The following KCNN3 variants were observed in gnomAD, a reference collection of about 807,000 sequenced individuals.
The protein encoded by KCNN3 is potassium calcium-activated channel subfamily N member 3, also known as small conductance calcium-activated potassium channel protein 3.
Under a neutral mutation model 62.9 loss-of-function variants are expected in KCNN3, and 16 were observed. The observed-to-expected ratio is 0.25, with a 90% CI of 0.17 to 0.39. The LOEUF (loss-of-function observed/expected upper bound fraction) is 0.39. Among genes scored for constraint, KCNN3 ranks in the 10% least tolerant of loss-of-function variants. The pLI is 1.00. For synonymous variants in KCNN3, 370 were observed against 389.2 expected (o/e 0.95, Z 0.58); for missense variants, 599 against 949.4 (o/e 0.63, Z 4.85).
intron 7 of KCNN3, among the ~76,000 whole-genome samples, chr1:154,712,983 C>T (rs866125926): frequency 6.6e-6 from 1 of 152,152 alleles, no homozygotes; most frequent in Non-Finnish European, 1.5e-5. Flanking sequence ...CACACCACTG[C>T]CGCCAATTTG....
chr1:154,766,775 G>A (rs1571255048), intron 3 of KCNN3, among the ~76,000 whole-genome samples: 1 of 151,564 alleles, frequency 6.6e-6, no homozygotes. Flanking sequence ...CGCCTCCTGG[G>A]TTCACGCCAT....
intron 2 of KCNN3, among the ~76,000 whole-genome samples, chr1:154,811,890 C>T (rs1650421347): frequency 1.3e-5 from 2 of 152,222 alleles, no homozygotes; most frequent in African/African-American, 2.4e-5. Flanking sequence ...GATCCTTACC[C>T]CAGGAGTCAC....
chr1:154,869,497 T>A lies in KCNN3; in HGVS notation c.468A>T (p.Arg156=). 1 of 1,613,986 alleles carries A rather than the reference T, an allele frequency of 6.2e-7. No individual in the cohort carries two copies. The highest frequency in any genetic ancestry group is 1.1e-5 in the South Asian group (1 of 91,052). The change falls in exon 1 of 8, where the codon CGA becomes CGT. Residue 156 remains arginine (R), a synonymous_variant. Transcript: ENST00000271915. This position sits in a 1 kb window ranked among gnomAD's most constrained non-coding sequence, Gnocchi z 6.1. ...GCCGGTGCACCAGGGGGCTGGCCTG[T>A]CGGTGCCGGCTGCCTCCGCCAGGCC... ...TSGPGGGSRH[R]QASPLVHRRD...
chr1:154,765,349 T>C (rs892663172), intron 3 of KCNN3, among the ~76,000 whole-genome samples: 1 of 152,212 alleles, frequency 6.6e-6, no homozygotes, highest in African/African-American at 2.4e-5. Context: ...CTGGATCCTA[T>C]AGCCTCCAGT....
At chr1:154,731,515 C>T (rs911759319) in intron 4 of KCNN3, among the ~76,000 whole-genome samples, 4 of 152,208 alleles carry the variant, frequency 2.6e-5, no homozygotes, top group Non-Finnish European at 4.4e-5. Context: ...CCCAGGAAGC[C>T]AACAAGACGG....
intron 3 of KCNN3, among the ~76,000 whole-genome samples, chr1:154,738,701 C>G (rs1267417483): frequency 3.9e-5 from 6 of 152,160 alleles, no homozygotes; most frequent in African/African-American, 1.4e-4. Context: ...ACTTAATGTG[C>G]CTGAACATCC....
rs1320333205 is a variant in KCNN3, at chr1:154,706,311, T to A, written c.*1665A>T. ...CTTCAGAATGGTGATGATGTCTTCT[T>A]ACAAAGGTAAACCCAAGATGACAAC... On this transcript the variant is annotated 3_prime_UTR_variant, in exon 8 of 8. Transcript: ENST00000271915. 6.6e-6 allele frequency: 1 copy of A among 152,154 alleles called. No homozygotes were observed. The highest frequency in any genetic ancestry group is 1.5e-5 in the Non-Finnish European group (1 of 68,024). 9.4% of individuals were successfully genotyped at this position (152,154 alleles called of 1,614,324 possible). A position where few individuals can be genotyped will look rare whatever the true frequency, so the allele number is the denominator to read the frequency against.
At chr1:154,833,149 C>T (rs1027295023) in intron 1 of KCNN3, among the ~76,000 whole-genome samples, 2 of 152,158 alleles carry the variant, frequency 1.3e-5, no homozygotes, top group African/African-American at 4.8e-5. Flanking sequence ...CCCAGCTGAA[C>T]CTTCCAACTT....
At chr1:154,848,255 A>G (rs1000050290) in intron 1 of KCNN3, among the ~76,000 whole-genome samples, 8 of 152,108 alleles carry the variant, frequency 5.3e-5, no homozygotes, top group South Asian at 2.1e-4. Context: ...CACGACAGTC[A>G]CTTCGAGCCT....
At chr1:154,756,143 G>GGAA (rs1235761688) in intron 3 of KCNN3, among the ~76,000 whole-genome samples, 1 of 108,378 alleles carries the variant, frequency 9.2e-6, no homozygotes, top group African/African-American at 3.9e-5. Context: ...AGGAAGAGGA[G>GGAA]GAAGAAGAAG....
At chr1:154,795,502 C>T (rs1025420241) in intron 2 of KCNN3, among the ~76,000 whole-genome samples, 1 of 152,160 alleles carries the variant, frequency 6.6e-6, no homozygotes, top group Non-Finnish European at 1.5e-5. Context: ...GCACATCATT[C>T]ACTGCTGTGC....
At chr1:154,763,441 A>G (rs1466254624) in intron 3 of KCNN3, among the ~76,000 whole-genome samples, 3 of 152,100 alleles carry the variant, frequency 2.0e-5, no homozygotes, top group African/African-American at 7.2e-5. Context: ...CACAGGCACA[A>G]TCATAGTCCA....
chr1:154,748,979 C>G (rs1700998608), intron 3 of KCNN3, among the ~76,000 whole-genome samples: 1 of 152,114 alleles, frequency 6.6e-6, no homozygotes, highest in South Asian at 2.1e-4. Context: ...ACAGCCCTGT[C>G]TTTGACCATA....
chr1:154,726,327 G>T (rs1700461717), intron 4 of KCNN3, among the ~76,000 whole-genome samples: 1 of 152,142 alleles, frequency 6.6e-6, no homozygotes, highest in Non-Finnish European at 1.5e-5. Context: ...GGCTTTGGGG[G>T]GTTTAACCAA....
chr1:154,770,745 C>T (rs1185024123), intron 3 of KCNN3, among the ~76,000 whole-genome samples: 1 of 152,172 alleles, frequency 6.6e-6, no homozygotes, highest in African/African-American at 2.4e-5. Context: ...TTAGACTCCA[C>T]ATGTCAAATA....
At chr1:154,732,958 T>C (rs769221281) in intron 4 of KCNN3, 45 bp downstream of exon 4, 1 of 1,611,996 alleles carries the variant, frequency 6.2e-7, no homozygotes, top group African/African-American at 1.3e-5. Context: ...GTTCAGCTCT[T>C]TGCCACATTT....
chr1:154,817,778 T>C (rs1224019114), intron 2 of KCNN3, among the ~76,000 whole-genome samples: 1 of 152,226 alleles, frequency 6.6e-6, no homozygotes, highest in African/African-American at 2.4e-5. Flanking sequence ...TGGTGAATTC[T>C]GAGTTTCTCA....
chr1:154,763,160 T>G (rs1225156837), intron 3 of KCNN3, among the ~76,000 whole-genome samples: 1 of 152,232 alleles, frequency 6.6e-6, no homozygotes, highest in Admixed American at 6.5e-5. Context: ...TCAGTAGTTA[T>G]TCTCCATTAA....
intron 2 of KCNN3, among the ~76,000 whole-genome samples, chr1:154,792,645 T>C (rs887439748): frequency 2.4e-4 from 36 of 152,196 alleles, no homozygotes; most frequent in African/African-American, 8.7e-4. Flanking sequence ...GTTAGAGAGA[T>C]TGTCAAACCT....
Sources: allele counts gnomAD v4.1 joint callset (sites outside exome capture counted in the v4.1 genomes callset), GRCh38; gene constraint gnomAD v4.1.1; non-coding constraint Gnocchi (gnomAD v3.1); transcripts MANE v1.5; gene names NCBI Gene and HGNC (gene_info 2026-07-23, HGNC 2026-07-21).